SLX4IP: variants seen among roughly 807,000 people sequenced by gnomAD.
The protein encoded by SLX4IP is SLX4 interacting protein.
Under a neutral mutation model 32.9 loss-of-function variants are expected in SLX4IP, and 34 were observed. The observed-to-expected ratio is 1.03, with a 90% CI of 0.79 to 1.38. The LOEUF (loss-of-function observed/expected upper bound fraction) is 1.38. Among genes scored for constraint, SLX4IP ranks in the 40% most tolerant of loss-of-function variants. The pLI, the probability that SLX4IP is intolerant of heterozygous loss-of-function variation, is 0.00. For synonymous variants in SLX4IP, 172 were observed against 171.7 expected, an observed-to-expected ratio of 1.00 and a Z score of -0.01; for missense variants, 444 against 479.0, an observed-to-expected ratio of 0.93 and a Z score of 0.68.
At chr20:10,575,608 G>A (rs899371459) in intron 4 of SLX4IP, among the ~76,000 whole-genome samples, 1 of 146,744 alleles carries the variant, frequency 6.8e-6, no homozygotes, top group African/African-American at 2.5e-5. Flanking sequence ...TTAATATGTA[G>A]GATGACAAGG....
At chr20:10,546,331 A>G (rs2066162187) in intron 2 of SLX4IP, among the ~76,000 whole-genome samples, 1 of 152,190 alleles carries the variant, frequency 6.6e-6, no homozygotes. Context: ...TTTACTTGTA[A>G]TGTGGTGTGA....
intron 2 of SLX4IP, among the ~76,000 whole-genome samples, chr20:10,459,659 A>G (rs1393108805): frequency 1.3e-5 from 2 of 152,176 alleles, no homozygotes; most frequent in Non-Finnish European, 2.9e-5. Flanking sequence ...CAAATTCTCT[A>G]CCTGGGTAAA....
rs139740625 is a variant in SLX4IP, at chr20:10,477,787, A to G, written c.27+19556A>G. 2.9e-3 allele frequency among the ~76,000 whole-genome samples: 441 copies of G among 152,342 alleles called. 1 individual carries two copies. The highest frequency in any genetic ancestry group is 5.2e-3 in the Non-Finnish European group (354 of 68,024). ...AGTAATCAAAGATACCAGCTGGGAA[A>G]CATATCTATTTTAAGATTATATAGG... On this transcript the variant is annotated intron_variant, in intron 2 of 7. Coordinates refer to ENST00000334534, the MANE Select transcript of SLX4IP (RefSeq NM_001009608.3).
intron 2 of SLX4IP, among the ~76,000 whole-genome samples, chr20:10,552,209 T>G (rs1014046260): frequency 7.2e-5 from 11 of 152,068 alleles, no homozygotes; most frequent in African/African-American, 2.7e-4. Flanking sequence ...GCCTGATGGT[T>G]GCTCAAGAGG....
chr20:10,467,795 T>A (rs764607753), intron 2 of SLX4IP, among the ~76,000 whole-genome samples: 1 of 152,238 alleles, frequency 6.6e-6, no homozygotes, highest in Non-Finnish European at 1.5e-5. Flanking sequence ...CTTCTCACTC[T>A]GTAAGGCATC....
At chr20:10,487,791 C>A (rs769673842) in intron 2 of SLX4IP, among the ~76,000 whole-genome samples, 1 of 152,190 alleles carries the variant, frequency 6.6e-6, no homozygotes, top group Middle Eastern at 3.4e-3. Context: ...CTTGCATGTT[C>A]GCTGAACAGT....
intron 2 of SLX4IP, among the ~76,000 whole-genome samples, chr20:10,542,185 A>T (rs1179315921): frequency 6.6e-6 from 1 of 152,190 alleles, no homozygotes; most frequent in Non-Finnish European, 1.5e-5. Flanking sequence ...ATATTTATTC[A>T]GTTGCCCATT....
intron 1 of SLX4IP, among the ~76,000 whole-genome samples, chr20:10,455,579 T>TTTTATTTATTTATTTATTTA (rs142542742): frequency 6.9e-5 from 10 of 144,950 alleles, no homozygotes; most frequent in South Asian, 4.5e-4. Flanking sequence ...CCTGTATGTC[T>TTTTATTTATTTATTTATTTA]TTTATTTATT....
In SLX4IP at chr20:10,574,235, A is replaced by T. The variant is rs573701663; in HGVS notation, c.238+13415A>T. 3.1e-4 allele frequency among the ~76,000 whole-genome samples: 46 copies of T among 150,588 alleles called. No individual in the cohort carries two copies. In the South Asian group the frequency reaches 6.0e-3, roughly 20 times the overall value. ...TAATTTTTACAAGAAATTAAAATTC[A>T]AAAAAACGTGATGTACAAATCTTCC... is the stretch of plus-strand genomic sequence containing the variant. On this transcript the variant is annotated intron_variant, in intron 4 of 7. Coordinates refer to ENST00000334534, the MANE Select transcript of SLX4IP (RefSeq NM_001009608.3).
chr20:10,574,979 C>CT (rs1027143880), intron 4 of SLX4IP, among the ~76,000 whole-genome samples: 8 of 151,824 alleles, frequency 5.3e-5, no homozygotes, highest in Non-Finnish European at 2.9e-5. Context: ...GACCGCAAGA[C>CT]TTTTTTTTAA....
At chr20:10,437,140 T>G (rs1303896111) in intron 1 of SLX4IP, among the ~76,000 whole-genome samples, 2 of 152,102 alleles carry the variant, frequency 1.3e-5, no homozygotes, top group African/African-American at 4.8e-5. Context: ...TATTTTTATT[T>G]TTTGAGACAG....
chr20:10,478,605 A>G (rs1180222705), intron 2 of SLX4IP, among the ~76,000 whole-genome samples: 1 of 152,214 alleles, frequency 6.6e-6, no homozygotes, highest in Non-Finnish European at 1.5e-5. Context: ...ACTATATTAC[A>G]TTTACTAACC....
At chr20:10,493,859 C>CTTTTTTTTTTTTTTTTT (rs58299545) in intron 2 of SLX4IP, among the ~76,000 whole-genome samples, 4 of 70,544 alleles carry the variant, frequency 5.7e-5, no homozygotes, top group African/African-American at 1.2e-4. Context: ...TTATAGTTGC[C>CTTTTTTTTTTTTTTTTT]TTTTTTTTTT....
intron 5 of SLX4IP, among the ~76,000 whole-genome samples, chr20:10,599,689 G>A (rs1232368964): frequency 6.6e-6 from 1 of 152,032 alleles, no homozygotes; most frequent in Non-Finnish European, 1.5e-5. Flanking sequence ...GAGCCAGCAT[G>A]CCCAGCCTTA....
At chr20:10,486,168 T>C (rs2065571574) in intron 2 of SLX4IP, among the ~76,000 whole-genome samples, 1 of 141,878 alleles carries the variant, frequency 7.0e-6, no homozygotes, top group East Asian at 2.1e-4. Flanking sequence ...AAAATAATTA[T>C]CAACTCCTTG....
At chr20:10,617,652 C>CTTTTTTTTTTTTTTTTTTTTTTTTTTT (rs549525000) in intron 6 of SLX4IP, among the ~76,000 whole-genome samples, 1 of 112,748 alleles carries the variant, frequency 8.9e-6, no homozygotes, top group Non-Finnish European at 1.8e-5. Flanking sequence ...TTCTTTCTTT[C>CTTTTTTTTTTTTTTTTTTTTTTTTTTT]TTTTTTTTTT....
intron 4 of SLX4IP, among the ~76,000 whole-genome samples, chr20:10,570,266 A>T (rs984396961): frequency 2.0e-5 from 3 of 152,202 alleles, no homozygotes; most frequent in African/African-American, 7.2e-5. Context: ...TATCTGTTCC[A>T]GCTGTTAACT....
chr20:10,469,760 A>G (rs1368259782), intron 2 of SLX4IP, among the ~76,000 whole-genome samples: 2 of 152,218 alleles, frequency 1.3e-5, no homozygotes, highest in African/African-American at 4.8e-5. Flanking sequence ...AAGCACAGCA[A>G]CTAAAGTGCT....
At chr20:10,496,020 G>C (rs186138764) in intron 2 of SLX4IP, among the ~76,000 whole-genome samples, 18 of 146,174 alleles carry the variant, frequency 1.2e-4, no homozygotes, top group Admixed American at 1.1e-3. Context: ...GTTGTTTCTT[G>C]TTGTTGTTTG....
Sources: gnomAD v4.1 joint callset for allele counts (sites outside exome capture counted in the v4.1 genomes callset) on GRCh38, gnomAD v4.1.1 for gene constraint, MANE v1.5 for transcripts, NCBI Gene and HGNC (gene_info 2026-07-23, HGNC 2026-07-21) for gene names.